The following DCUN1D2 variants were observed in gnomAD, a reference collection of about 807,000 sequenced individuals.
DCUN1D2 encodes defective in cullin neddylation 1 domain containing 2.
In DCUN1D2, 29 loss-of-function variants were observed where a neutral mutation model predicts 30.9. The ratio of observed to expected loss-of-function variants is 0.94; its 90% confidence interval spans 0.70 to 1.28. DCUN1D2 has a LOEUF of 1.28. DCUN1D2 is among the 50% of genes most tolerant of loss of function. The probability of loss-of-function intolerance (pLI) is 0.00; values close to 1 mark genes in which losing one functional copy is unlikely to be tolerated. For missense variants in DCUN1D2, 325 were observed against 316.9 expected, an observed-to-expected ratio of 1.03 and a Z score of -0.19; for synonymous variants, 121 against 115.3, an observed-to-expected ratio of 1.05 and a Z score of -0.32.
chr13:113,471,954 G>T (rs1279582774), intron 4 of DCUN1D2, among the ~76,000 whole-genome samples: 1 of 152,188 alleles, frequency 6.6e-6, no homozygotes, highest in Non-Finnish European at 1.5e-5. Flanking sequence ...AACGACAGGG[G>T]AGGCCTGGCT....
intron 4 of DCUN1D2, among the ~76,000 whole-genome samples, chr13:113,464,452 G>C (rs573044637): frequency 2.0e-5 from 3 of 152,314 alleles, no homozygotes; most frequent in Non-Finnish European, 2.9e-5. Context: ...GACCTTCCTT[G>C]AAACATTCAT....
At position 113,465,790 on chromosome 13, in the gene DCUN1D2, C is replaced by G. The variant is rs528729196; in HGVS notation, c.521-4654G>C. Among the ~76,000 whole-genome samples, 3 of 152,074 alleles carry G rather than the reference C, an allele frequency of 2.0e-5. No homozygotes were observed. In the South Asian group the frequency reaches 6.2e-4, roughly 32 times the overall value. On this transcript the variant is annotated intron_variant, in intron 4 of 6. Transcript: ENST00000478244. ...CAAGTAATCCTCTTGCCTCAGCCTC[C>G]TGAGTAGCAGGGACTACAGGTGCAC...
chr13:113,470,991 CCCAACTCCACAGGGGACCCAACTCCACA>C (rs1566498024), intron 4 of DCUN1D2, among the ~76,000 whole-genome samples: 14 of 150,356 alleles, frequency 9.3e-5, no homozygotes, highest in African/African-American at 3.2e-4. Flanking sequence ...CTACAGAGGA[CCCAACTCCACAGGGGACCCAACTCCACA>C]GAGGACCCAA....
chr13:113,470,805 ACAACTCCACAGGGGACC>A (rs2044493559), intron 4 of DCUN1D2, among the ~76,000 whole-genome samples: 1 of 121,196 alleles, frequency 8.3e-6, no homozygotes, highest in Admixed American at 8.1e-5. Context: ...CACAGAAGAC[ACAACTCCACAGGGGACC>A]CAACTCCACA....
chr13:113,482,544 T>A (rs764556014), intron 2 of DCUN1D2, among the ~76,000 whole-genome samples: 1 of 152,214 alleles, frequency 6.6e-6, no homozygotes, highest in Non-Finnish European at 1.5e-5. Flanking sequence ...ACTATGTTTC[T>A]GAGCCAAGAT....
At chr13:113,480,055 A>C (rs2044681390) in intron 3 of DCUN1D2, among the ~76,000 whole-genome samples, 1 of 152,224 alleles carries the variant, frequency 6.6e-6, no homozygotes, top group Admixed American at 6.5e-5. Context: ...CAGTAAGCTT[A>C]ATGATTAAGA....
intron 4 of DCUN1D2, among the ~76,000 whole-genome samples, chr13:113,468,670 C>T (rs2044449774): frequency 6.6e-6 from 1 of 151,868 alleles, no homozygotes; most frequent in Non-Finnish European, 1.5e-5. Context: ...CGGGGGAGGG[C>T]CCTGGACAGG....
intron 1 of DCUN1D2, among the ~76,000 whole-genome samples, chr13:113,484,646 C>G (rs908163931): frequency 2.0e-5 from 3 of 152,108 alleles, no homozygotes; most frequent in African/African-American, 7.2e-5. Context: ...ACAAGAATGC[C>G]TCTGTATACC....
At chr13:113,464,056 A>C (rs896741273) in intron 4 of DCUN1D2, among the ~76,000 whole-genome samples, 1 of 152,222 alleles carries the variant, frequency 6.6e-6, no homozygotes. Context: ...GTTTTTAAAA[A>C]GCCCTCAAAA....
At chr13:113,483,259 C>A (rs2044741106) in intron 2 of DCUN1D2, among the ~76,000 whole-genome samples, 1 of 152,152 alleles carries the variant, frequency 6.6e-6, no homozygotes, top group African/African-American at 2.4e-5. Context: ...AAGCTCCGAT[C>A]CAAGCACTGA....
chr13:113,490,409 T>A lies in DCUN1D2; in HGVS notation c.3+258A>T. On this transcript the variant is annotated intron_variant, in intron 1 of 6. Transcript: ENST00000478244. The surrounding 1 kb of genome is among the most constrained non-coding windows in gnomAD (Gnocchi z 5.2). ...CCTGCCCCAAGGCCCCTACAGTTCC[T>A]CCCGGCCCCCGCCCTCCGCTCACTC... is the stretch of plus-strand genomic sequence containing the variant. The A allele has an allele frequency of 3.1e-6, 1 of 326,292 alleles. No homozygotes were observed. 20.2% of individuals were successfully genotyped at this position (326,292 alleles called of 1,614,324 possible). A position where few individuals can be genotyped will look rare whatever the true frequency, so the allele number is the denominator to read the frequency against.
At chr13:113,467,827 T>C (rs1007088324) in intron 4 of DCUN1D2, among the ~76,000 whole-genome samples, 1 of 151,998 alleles carries the variant, frequency 6.6e-6, no homozygotes, top group African/African-American at 2.4e-5. Context: ...GTGGATCACC[T>C]GAGGTCAGGA....
In DCUN1D2 at chr13:113,475,604, G is replaced by A. The variant is rs74242217; in HGVS notation, c.390-1350C>T. 5.2e-3 allele frequency among the ~76,000 whole-genome samples: 797 copies of A among 152,312 alleles called. 11 individuals carry two copies. The highest frequency in any genetic ancestry group is 0.045 in the East Asian group (234 of 5,176). On this transcript the variant is annotated intron_variant, in intron 3 of 6. Coordinates refer to ENST00000478244, the MANE Select transcript of DCUN1D2 (RefSeq NM_001014283.2). ...ACCATCCACATCAAGGGTGGCGGCT[G>A]GGCCAGGTATGGTGGCTCATTCCTG...
At chr13:113,469,552 G>A (rs1219079845) in intron 4 of DCUN1D2, among the ~76,000 whole-genome samples, 7 of 152,320 alleles carry the variant, frequency 4.6e-5, no homozygotes, top group East Asian at 3.9e-4. Context: ...CACAGTCTGC[G>A]TGCCTACAGT....
In DCUN1D2 at chr13:113,474,258, C is replaced by A. The variant is rs368577955; in HGVS notation, c.390-4G>T. ...TAGCTTCTCCATGCTGTCACACCTG[C>A]GATGACAGAGAGTGGTTTGTCTTGC... On this transcript the variant is annotated splice_region_variant and splice_polypyrimidine_tract_variant and intron_variant, in intron 3 of 6. Coordinates refer to ENST00000478244, the MANE Select transcript of DCUN1D2 (RefSeq NM_001014283.2). 6.2e-7 allele frequency: 1 copy of A among 1,613,340 alleles called. No homozygotes were observed. Among genetic ancestry groups the A allele is most frequent in the Non-Finnish European group, 8.5e-7 (1 of 1,179,448 alleles).
rs1256008711 is a variant in DCUN1D2 at position 113,483,925 on chromosome 13, G to A, written c.135C>T (p.Phe45=). Residue 45 remains phenylalanine (F), a synonymous_variant, in exon 2 of 7, where the codon TTC becomes TTT. Transcript: ENST00000478244. ...CCCTGTGGAGCGAGTCTGGGTTTTG[G>A]AAGAAGCTGTCCGTGGCCTCGTCTA... ...WRLDEATDSF[F]QNPDSLHRES... is the part of the protein sequence containing the mutation. 1.2e-6 allele frequency: 2 copies of A among 1,613,978 alleles called. No homozygotes were observed. Among genetic ancestry groups the A allele is most frequent in the East Asian group, 2.2e-5 (1 of 44,898 alleles).
At chr13:113,461,372 C>T (rs2044315313) in intron 4 of DCUN1D2, among the ~76,000 whole-genome samples, 1 of 152,212 alleles carries the variant, frequency 6.6e-6, no homozygotes, top group Non-Finnish European at 1.5e-5. Flanking sequence ...TGGATATGCA[C>T]ACAATTCCCC....
intron 3 of DCUN1D2, among the ~76,000 whole-genome samples, chr13:113,480,080 G>A (rs1168319991): frequency 1.3e-5 from 2 of 152,164 alleles, no homozygotes; most frequent in East Asian, 1.9e-4. Context: ...GTTACATTAG[G>A]CCCTTTCATT....
intron 1 of DCUN1D2, among the ~76,000 whole-genome samples, chr13:113,485,853 A>G (rs772612635): frequency 6.6e-6 from 1 of 151,848 alleles, no homozygotes; most frequent in Non-Finnish European, 1.5e-5. Flanking sequence ...AGCCTTGCTC[A>G]CTCTCATTCT....
Sources: allele counts gnomAD v4.1 joint callset (sites outside exome capture counted in the v4.1 genomes callset), GRCh38; gene constraint gnomAD v4.1.1; non-coding constraint Gnocchi (gnomAD v3.1); transcripts MANE v1.5; gene names NCBI Gene and HGNC (gene_info 2026-07-23, HGNC 2026-07-21).